Variants in PARP9 observed in about 807,000 individuals in gnomAD.
PARP9 encodes the protein protein mono-ADP-ribosyltransferase PARP9.
Under a neutral mutation model 68.8 loss-of-function variants are expected in PARP9, and 48 were observed. The observed-to-expected ratio is 0.70, with a 90% CI of 0.55 to 0.89. The LOEUF (loss-of-function observed/expected upper bound fraction) is 0.89. Ranked by LOEUF, PARP9 falls within the 40% of genes least tolerant of loss-of-function variation. The pLI is 0.00. For synonymous variants in PARP9, 309 were observed against 333.8 expected (o/e 0.93, Z 0.81); for missense variants, 806 against 969.3 (o/e 0.83, Z 2.24).
Position 122,528,739 on chromosome 3 carries a change from T to C in PARP9, c.2085A>G (p.Pro695=). 6.3e-7 allele frequency: 1 copy of C among 1,577,928 alleles called. No homozygotes were observed. Among genetic ancestry groups the C allele is most frequent in the Non-Finnish European group, 8.6e-7 (1 of 1,164,410 alleles). ...TGAAGTATATGCCAGCTCCGTATTT[T>C]GGATCTGATAAAGGAAAAAATAAAA... ...FQRMYSTPCD[P]KYGAGIYFTK... The change falls in exon 11 of 11, where the codon CCA becomes CCG. Residue 695 remains proline (P), a synonymous_variant. Transcript: ENST00000682323.
At chr3:122,538,931 T>A (rs1303725976) in intron 8 of PARP9, among the ~76,000 whole-genome samples, 3 of 152,142 alleles carry the variant, frequency 2.0e-5, no homozygotes, top group African/African-American at 7.2e-5. Context: ...CTCACTCTAA[T>A]CATTTATTCC....
intron 10 of PARP9, chr3:122,532,582 C>T (rs2077383576): frequency 7.5e-6 from 2 of 265,396 alleles, no homozygotes; most frequent in Non-Finnish European, 1.2e-5. Flanking sequence ...ATTATAGAGC[C>T]ATAAAGGAAA....
intron 6 of PARP9, among the ~76,000 whole-genome samples, chr3:122,546,470 T>C (rs541085996): frequency 6.6e-6 from 1 of 152,334 alleles, no homozygotes; most frequent in East Asian, 1.9e-4. Flanking sequence ...TCTGAACATG[T>C]TTAAGGTAGG....
rs765749778 is a variant in PARP9, at chr3:122,540,738, T to C, written c.1499A>G (p.Gln500Arg). 3 of 1,614,178 alleles carry C rather than the reference T, an allele frequency of 1.9e-6. No homozygotes were observed. The highest frequency in any genetic ancestry group is 2.2e-5 in the East Asian group (1 of 44,880). Residue 500 changes from glutamine to arginine, a missense_variant, in exon 8 of 11, where the codon CAA becomes CGA. By Grantham distance (43) the Gln-to-Arg change is conservative. This residue lies in a region of PARP9 where 680 missense variants were observed against 858.8 expected (regional missense o/e 0.79). Coordinates refer to ENST00000682323, the MANE Select transcript of PARP9 (RefSeq NM_001146105.2). ...EEMYEAHAWI[Q>R]RILSLQNHHI... ...GTGGTTCTGGAGACTCAGGATTCTT[T>C]GGATCCATGCGTGGGCCTCATACAT...
chr3:122,562,349 A>ATT (rs58857328), intron 1 of PARP9, among the ~76,000 whole-genome samples: 138 of 142,638 alleles, frequency 9.7e-4, no homozygotes, highest in Middle Eastern at 3.6e-3. Flanking sequence ...CGCCTGGCTA[A>ATT]TTTTTTTTTT....
chr3:122,540,360 G>C, intron 8 of PARP9, 112 bp downstream of exon 8: 1 of 1,322,074 alleles, frequency 7.6e-7, no homozygotes, highest in South Asian at 1.5e-5. Context: ...CAGAATGTTT[G>C]ATCCCTCCTC....
intron 2 of PARP9, among the ~76,000 whole-genome samples, chr3:122,558,728 C>T (rs772192459): frequency 3.6e-4 from 55 of 152,042 alleles, no homozygotes; most frequent in South Asian, 1.5e-3. Flanking sequence ...TATTGTTTTT[C>T]GAGACAAGGT....
chr3:122,548,410 G>A (rs1196811219), intron 6 of PARP9, among the ~76,000 whole-genome samples: 3 of 152,196 alleles, frequency 2.0e-5, no homozygotes, highest in Non-Finnish European at 4.4e-5. Flanking sequence ...GACACATGCC[G>A]AGAAGTCTCT....
At chr3:122,564,602 G>T (rs1328788161), upstream of PARP9, 19 of 1,596,890 alleles carry the variant, frequency 1.2e-5, no homozygotes, top group Non-Finnish European at 1.6e-5. Flanking sequence ...GTGGAGTTCA[G>T]TGAAAGGGCA....
At chr3:122,545,138 G>A (rs1418755405) in intron 7 of PARP9, among the ~76,000 whole-genome samples, 1 of 152,092 alleles carries the variant, frequency 6.6e-6, no homozygotes, top group Non-Finnish European at 1.5e-5. Context: ...CCAGTTTATG[G>A]AAGCCAGAAC....
At chr3:122,543,708 C>T (rs1333828211) in intron 7 of PARP9, among the ~76,000 whole-genome samples, 3 of 152,090 alleles carry the variant, frequency 2.0e-5, no homozygotes, top group East Asian at 1.9e-4. Flanking sequence ...CCTCCCCGGG[C>T]TTAGGTGATC....
chr3:122,558,488 T>C (rs1437799399), intron 2 of PARP9, 21 bp from the exon 3 acceptor site: 2 of 1,612,672 alleles, frequency 1.2e-6, no homozygotes, highest in African/African-American at 1.3e-5. Context: ...TGAGAATGGC[T>C]TTCTTAAAAA....
chr3:122,553,914 C>A (rs958344818), intron 4 of PARP9, among the ~76,000 whole-genome samples: 2 of 152,196 alleles, frequency 1.3e-5, no homozygotes, highest in Non-Finnish European at 1.5e-5. Flanking sequence ...CCAAGATCTC[C>A]ATCTTTAAGG....
rs531327128 is a variant in PARP9, at chr3:122,559,861, G to A, written c.-89-152C>T. Among the ~76,000 whole-genome samples, 6 of 152,332 alleles carry A rather than the reference G, an allele frequency of 3.9e-5. No individual in the cohort carries two copies. The East Asian group carries it at 9.6e-4, about 24-fold the overall frequency. On this transcript the variant is annotated intron_variant, in intron 1 of 10. Coordinates refer to ENST00000682323, the MANE Select transcript of PARP9 (RefSeq NM_001146105.2). ...ATGTACACATTGTTTTGCTGTTGTT[G>A]TTACTGTTTGCCTTCTACCCTTTCC...
At chr3:122,563,540 T>A (rs767040730) in intron 1 of PARP9, among the ~76,000 whole-genome samples, 3 of 152,174 alleles carry the variant, frequency 2.0e-5, no homozygotes, top group Non-Finnish European at 4.4e-5. Flanking sequence ...GCTGCAAAAA[T>A]TTTAGAATGA....
Position 122,532,002 on chromosome 3 carries a change from G to A in PARP9, c.2081-3259C>T, listed in dbSNP as rs140329232. On this transcript the variant is annotated intron_variant, in intron 10 of 10. Coordinates refer to ENST00000682323, the MANE Select transcript of PARP9 (RefSeq NM_001146105.2). The stretch of plus-strand genomic sequence containing the variant: ...TTGAGAGCCCTGGGAGTCAAGAGGG[G>A]GCAGAACAATGGAAATCTCGGAATA... 1.9e-5 allele frequency: 7 copies of A among 369,466 alleles called. No homozygotes were observed. The East Asian group carries it at 9.9e-4, about 52-fold the overall frequency. 22.9% of individuals were successfully genotyped at this position (369,466 alleles called of 1,614,324 possible). A position where few individuals can be genotyped will look rare whatever the true frequency, so the allele number is the denominator to read the frequency against.
chr3:122,535,277 C>T, intron 10 of PARP9: 3 of 985,308 alleles, frequency 3.0e-6, no homozygotes, highest in Non-Finnish European at 3.6e-6. Context: ...TTTTTATCCC[C>T]AGTAATTGTC....
intron 10 of PARP9, chr3:122,533,567 C>T (rs531217205): frequency 1.7e-5 from 9 of 534,588 alleles, no homozygotes; most frequent in East Asian, 1.5e-4. Context: ...CAGGTGAACT[C>T]GTGAGATTAT....
In PARP9 at chr3:122,528,475, C is replaced by A; in HGVS notation, c.2349G>T (p.Leu783Phe). 10 of 1,614,176 alleles carry A rather than the reference C, an allele frequency of 6.2e-6. No individual in the cohort carries two copies. Among genetic ancestry groups the A allele is most frequent in the Non-Finnish European group, 8.5e-6 (10 of 1,180,016 alleles). ...FSGMQAIPQY[L>F]WTCTQEYVQS... ...GTACATATTCCTGGGTGCATGTCCA[C>A]AAATACTGAGGTATAGCCTGCATGC... The change falls in exon 11 of 11, where the codon TTG (leucine) becomes TTT (phenylalanine). Residue 783 changes from leucine to phenylalanine, a missense_variant. Around this residue, in one of 2 missense-constraint regions of PARP9, gnomAD observed 680 missense variants for 858.8 expected, o/e 0.79. Transcript: ENST00000682323.
Sources: gnomAD v4.1 joint callset for allele counts (sites outside exome capture counted in the v4.1 genomes callset) on GRCh38, gnomAD v4.1.1 for gene constraint, gnomAD v4.1.1 regional missense constraint, MANE v1.5 for transcripts, NCBI Gene and HGNC (gene_info 2026-07-23, HGNC 2026-07-21) for gene names.